TSPAN3: variants seen among roughly 807,000 people sequenced by gnomAD.
TSPAN3 encodes the protein tetraspanin 3, also known as tetraspanin-3.
A neutral mutation model predicts 31.1 loss-of-function variants in TSPAN3; 9 were observed. That is an observed-to-expected ratio of 0.29 (90% CI 0.17 to 0.50). The LOEUF is 0.50. Among genes scored for constraint, TSPAN3 ranks in the 20% least tolerant of loss-of-function variants. TSPAN3 has a pLI of 0.98. For synonymous variants in TSPAN3, 129 were observed against 114.3 expected (o/e 1.13, Z -0.82); for missense variants, 252 against 313.5 (o/e 0.80, Z 1.48).
intron 1 of TSPAN3, among the ~76,000 whole-genome samples, chr15:77,061,810 T>C (rs929771076): frequency 6.6e-6 from 1 of 152,216 alleles, no homozygotes; most frequent in Non-Finnish European, 1.5e-5. Flanking sequence ...GATTCCCATC[T>C]AGAACTGGCA....
rs772418622 is a variant in TSPAN3, at chr15:77,046,880, T to C, written c.717A>G (p.Arg239=). The change falls in exon 7 of 7, where the codon AGA becomes AGG. Residue 239 remains arginine, a synonymous_variant. Transcript: ENST00000267970. ...CACIVLCRRS[R]DPAYELLITG... is the part of the protein sequence containing the mutation. ...TGATGAGGAGCTCGTAAGCAGGATC[T>C]CTACTCCTTCTGCACAACACGATGC... 5 of 1,593,548 alleles carry C rather than the reference T, an allele frequency of 3.1e-6. No individual in the cohort carries two copies. In the Admixed American group the frequency reaches 6.8e-5, roughly 22 times the overall value.
intron 6 of TSPAN3, among the ~76,000 whole-genome samples, chr15:77,050,354 T>G (rs532071778): frequency 2.0e-5 from 3 of 152,310 alleles, no homozygotes; most frequent in African/African-American, 7.2e-5. Context: ...TTAAGCAGCC[T>G]TGCTGAAGTG....
rs923240769 is a variant in TSPAN3, at chr15:77,042,580, G to A, written c.*4255C>T. On this transcript the variant is annotated 3_prime_UTR_variant, in exon 7 of 7. Transcript: ENST00000267970. ...TCTTCCCCCATCCCCAAAGGTCAAT[G>A]ATGAAGTCGACTTTTGAAAAAATGG... is the stretch of plus-strand genomic sequence containing the variant. The A allele has an allele frequency of 6.6e-6, 1 of 152,162 alleles. No individual in the cohort carries two copies. The highest frequency in any genetic ancestry group is 2.4e-5 in the African/African-American group (1 of 41,438). The allele number at this position is 152,162 out of a possible 1,614,324, so 9.4% of individuals were successfully genotyped here.
rs994850563 is a variant in TSPAN3 at position 77,042,318 on chromosome 15, G to T, written c.*4517C>A. 1.3e-5 allele frequency: 2 copies of T among 152,168 alleles called. No homozygotes were observed. Among genetic ancestry groups the T allele is most frequent in the Non-Finnish European group, 2.9e-5 (2 of 68,044 alleles). The allele number at this position is 152,168 out of a possible 1,614,324, so 9.4% of individuals were successfully genotyped here. A position where few individuals can be genotyped will look rare whatever the true frequency, so the allele number is the denominator to read the frequency against. On this transcript the variant is annotated 3_prime_UTR_variant, in exon 7 of 7. Coordinates refer to ENST00000267970, the MANE Select transcript of TSPAN3 (RefSeq NM_005724.6). ...TAAAAAAATACACTTAAAAAAGGCA[G>T]TAAGACAAGCTCTGTCAATCATCTA...
Position 77,070,798 on chromosome 15 carries a change from C to T in TSPAN3, c.63+94G>A, listed in dbSNP as rs1249104191. Reference sequence around the variant, plus strand: ...AGGGCCCGCGCGCGGCCCCCGCGCGCCCGCCCAGGCCCAAGCCCGGCCCCC... The same window carrying T: ...AGGGCCCGCGCGCGGCCCCCGCGCGTCCGCCCAGGCCCAAGCCCGGCCCCC... On this transcript the variant is annotated intron_variant, in intron 1 of 6. Transcript: ENST00000267970. 1.4e-5 allele frequency: 10 copies of T among 733,136 alleles called. No individual in the cohort carries two copies. The South Asian group carries it at 4.1e-4, about 30-fold the overall frequency. The allele number at this position is 733,136 out of a possible 1,614,324, so 45.4% of individuals were successfully genotyped here.
At position 77,059,329 on chromosome 15, in the gene TSPAN3, G is replaced by A. The variant is rs145072761; in HGVS notation, c.64-3074C>T. ...GATGTCCTGACCTCGTGATCCGCCC[G>A]CCTCGGCCTCCCAAAGTGCTGGGAT... On this transcript the variant is annotated intron_variant, in intron 1 of 6. Transcript: ENST00000267970. Among the ~76,000 whole-genome samples, 1,173 of 152,250 alleles carry A rather than the reference G, an allele frequency of 7.7e-3. 23 individuals are homozygous for A. The highest frequency in any genetic ancestry group is 0.068 in the East Asian group (351 of 5,170).
At position 77,071,026 on chromosome 15, in the gene TSPAN3, G is replaced by A. The variant is rs1358516500; in HGVS notation, c.-72C>T. 10 of 1,166,422 alleles carry A rather than the reference G, an allele frequency of 8.6e-6. No homozygotes were observed. The Admixed American group carries it at 2.1e-4, about 24-fold the overall frequency. The allele number at this position is 1,166,422 out of a possible 1,614,324, so 72.3% of individuals were successfully genotyped here. A position where few individuals can be genotyped will look rare whatever the true frequency, so the allele number is the denominator to read the frequency against. ...TCACCGAGAGAGCGGCAATGGCGGCGGCGCCTCCTCGCTAGGAACTGCACG... is the reference window on the plus strand; with the variant it reads ...TCACCGAGAGAGCGGCAATGGCGGCAGCGCCTCCTCGCTAGGAACTGCACG... On this transcript the variant is annotated 5_prime_UTR_variant, in exon 1 of 7. Coordinates refer to ENST00000267970, the MANE Select transcript of TSPAN3 (RefSeq NM_005724.6).
chr15:77,064,606 T>A (rs1269064671), intron 1 of TSPAN3: 2 of 152,248 alleles, frequency 1.3e-5, no homozygotes, highest in African/African-American at 4.8e-5. Context: ...GCCACAAGGC[T>A]CTTGGTCAGT....
chr15:77,063,542 T>C (rs529518232), intron 1 of TSPAN3: 1 of 152,324 alleles, frequency 6.6e-6, no homozygotes, highest in South Asian at 2.1e-4. Context: ...AAGCCACTTT[T>C]GCCATCAACA....
chr15:77,053,539 G>A (rs2076747265), intron 4 of TSPAN3, among the ~76,000 whole-genome samples: 1 of 134,008 alleles, frequency 7.5e-6, no homozygotes, highest in South Asian at 2.5e-4. Flanking sequence ...TCTAACTAAG[G>A]AAAATCTTCA....
At chr15:77,070,526 G>T (rs2076861370) in intron 1 of TSPAN3, among the ~76,000 whole-genome samples, 1 of 152,042 alleles carries the variant, frequency 6.6e-6, no homozygotes, top group Non-Finnish European at 1.5e-5. Flanking sequence ...ATCCTATTTC[G>T]AGCCCGACGT....
intron 1 of TSPAN3, among the ~76,000 whole-genome samples, chr15:77,065,063 A>G (rs2076823623): frequency 6.6e-6 from 1 of 152,238 alleles, no homozygotes; most frequent in Admixed American, 6.5e-5. Context: ...TTTTTGCCTT[A>G]CAGCCTACAG....
At chr15:77,053,955 G>C (rs907438722) in intron 4 of TSPAN3, among the ~76,000 whole-genome samples, 1 of 152,102 alleles carries the variant, frequency 6.6e-6, no homozygotes, top group Non-Finnish European at 1.5e-5. Flanking sequence ...CTGGGGTCAG[G>C]GAAGGGGAAA....
intron 3 of TSPAN3, chr15:77,055,556 G>C (rs1470412607): frequency 9.3e-5 from 34 of 364,996 alleles, no homozygotes; most frequent in Middle Eastern, 7.2e-4. Flanking sequence ...TTCATTTGCA[G>C]CTATAAATAC....
In TSPAN3 at chr15:77,045,505, T is replaced by C. The variant is rs1476805179; in HGVS notation, c.*1330A>G. ...AGTCAGCTCTCACCTCCACAGGATG[T>C]TCCGTAAGACACTAGAGGGCCTGGG... On this transcript the variant is annotated 3_prime_UTR_variant, in exon 7 of 7. Transcript: ENST00000267970. 1 of 152,282 alleles carries C rather than the reference T, an allele frequency of 6.6e-6. No homozygotes were observed. The highest frequency in any genetic ancestry group is 2.4e-5 in the African/African-American group (1 of 41,444). The allele number at this position is 152,282 out of a possible 1,614,324, so 9.4% of individuals were successfully genotyped here. A position where few individuals can be genotyped will look rare whatever the true frequency, so the allele number is the denominator to read the frequency against.
Position 77,055,632 on chromosome 15 carries a change from G to T in TSPAN3, c.330+157C>A, listed in dbSNP as rs148892842. On this transcript the variant is annotated intron_variant, in intron 3 of 6. Coordinates refer to ENST00000267970, the MANE Select transcript of TSPAN3 (RefSeq NM_005724.6). ...TAAATGAGGTAAGGAGTCTTGACATGTAAATATTTGCCAATTAACTTTAGA... is the reference window on the plus strand; with the variant it reads ...TAAATGAGGTAAGGAGTCTTGACATTTAAATATTTGCCAATTAACTTTAGA... The T allele has an allele frequency of 4.5e-3, 2,755 of 608,486 alleles. 52 individuals carry two copies. The highest frequency in any genetic ancestry group is 0.043 in the African/African-American group (2,315 of 53,650). The allele number at this position is 608,486 out of a possible 1,614,324, so 37.7% of individuals were successfully genotyped here.
rs35737479 is a variant in TSPAN3, at chr15:77,066,571, C to CAAAAAAAAAAA, written c.63+4310_63+4320dup. On this transcript the variant is annotated intron_variant, in intron 1 of 6. Coordinates refer to ENST00000267970, the MANE Select transcript of TSPAN3 (RefSeq NM_005724.6). ...TGGGCGACAGAGTAAGACTTCGTCT[C>CAAAAAAAAAAA]AAAAAAAAAAAAAAAAAAAAAAAAA... 9.3e-4 allele frequency among the ~76,000 whole-genome samples: 55 copies of CAAAAAAAAAAA among 59,376 alleles called. 1 individual carries two copies. The highest frequency in any genetic ancestry group is 3.6e-3 in the African/African-American group (48 of 13,372). The allele number at this position is 59,376 out of a possible 152,430, so 39.0% of individuals were successfully genotyped here. A position where few individuals can be genotyped will look rare whatever the true frequency, so the allele number is the denominator to read the frequency against.
At chr15:77,065,657 T>C (rs752329054) in intron 1 of TSPAN3, among the ~76,000 whole-genome samples, 1 of 152,144 alleles carries the variant, frequency 6.6e-6, no homozygotes, top group Non-Finnish European at 1.5e-5. Flanking sequence ...TCTGCCACCC[T>C]TGGCGTCCCA....
At chr15:77,061,363 A>C (rs1459281930) in intron 1 of TSPAN3, among the ~76,000 whole-genome samples, 1 of 152,096 alleles carries the variant, frequency 6.6e-6, no homozygotes, top group African/African-American at 2.4e-5. Context: ...CCCCGTCTCT[A>C]CTAAAAATAC....
Sources: gnomAD v4.1 joint callset for allele counts (sites outside exome capture counted in the v4.1 genomes callset) on GRCh38, gnomAD v4.1.1 for gene constraint, MANE v1.5 for transcripts, NCBI Gene and HGNC (gene_info 2026-07-23, HGNC 2026-07-21) for gene names.